DPF3: variants seen among roughly 807,000 people sequenced by gnomAD.
DPF3 encodes double PHD fingers 3.
Under a neutral mutation model 56.8 loss-of-function variants are expected in DPF3, and 18 were observed. That is an observed-to-expected ratio of 0.32 (90% CI 0.22 to 0.47). The LOEUF is 0.47. DPF3 is among the 20% of genes least tolerant of loss of function. The pLI, the probability that DPF3 is intolerant of heterozygous loss-of-function variation, is 1.00. For missense variants in DPF3, 403 were observed against 488.8 expected (o/e 0.82, Z 1.65); for synonymous variants, 188 against 180.2 (o/e 1.04, Z -0.35).
intron 1 of DPF3, among the ~76,000 whole-genome samples, chr14:72,799,218 G>A (rs1484533524): frequency 6.6e-6 from 1 of 152,106 alleles, no homozygotes; most frequent in African/African-American, 2.4e-5. Flanking sequence ...GTGGACATAG[G>A]TTGTCTGCCT....
intron 1 of DPF3, among the ~76,000 whole-genome samples, chr14:72,780,316 A>G (rs1416688935): frequency 6.6e-6 from 1 of 152,126 alleles, no homozygotes; most frequent in Non-Finnish European, 1.5e-5. Context: ...GAGCTACCTT[A>G]TCTGTCTTAC....
intron 1 of DPF3, among the ~76,000 whole-genome samples, chr14:72,805,689 T>C (rs1359174948): frequency 1.3e-5 from 2 of 151,986 alleles, no homozygotes; most frequent in African/African-American, 4.8e-5. Flanking sequence ...CTACTAAAAA[T>C]ACAAAAATTA....
intron 7 of DPF3, among the ~76,000 whole-genome samples, chr14:72,679,622 T>A (rs1014602069): frequency 6.6e-6 from 1 of 152,222 alleles, no homozygotes; most frequent in African/African-American, 2.4e-5. Flanking sequence ...CTCCACAGGC[T>A]GACAGTTCCC....
intron 3 of DPF3, among the ~76,000 whole-genome samples, chr14:72,742,040 C>T (rs780574688): frequency 1.2e-4 from 18 of 152,220 alleles, no homozygotes; most frequent in Non-Finnish European, 2.4e-4. Flanking sequence ...TCCCCCAGTC[C>T]CTGCTCCTTT....
At chr14:72,690,742 G>A (rs750019575) in intron 7 of DPF3, among the ~76,000 whole-genome samples, 4 of 152,144 alleles carry the variant, frequency 2.6e-5, no homozygotes, top group Non-Finnish European at 5.9e-5. Flanking sequence ...CCCAGGGCAT[G>A]AATAAAGGAA....
intron 8 of DPF3, among the ~76,000 whole-genome samples, chr14:72,655,232 T>C (rs10145678): frequency 0.064 from 9,792 of 152,276 alleles, 521 homozygotes; most frequent in African/African-American, 0.15. Context: ...TTAGAAAGAA[T>C]GCCGATCACT....
chr14:72,750,815 A>AAC (rs1174159644), intron 3 of DPF3, among the ~76,000 whole-genome samples: 1 of 150,014 alleles, frequency 6.7e-6, no homozygotes, highest in African/African-American at 2.4e-5. Context: ...AAAAAAAAAA[A>AAC]AACCTGCTAC....
chr14:72,893,999 C>T (rs370550264), intron 1 of DPF3, 58 bp downstream of exon 1: 20 of 1,599,916 alleles, frequency 1.3e-5, no homozygotes, highest in African/African-American at 4.1e-5. Context: ...ACGCAGAAGG[C>T]GCCTTTTTTT....
chr14:72,845,115 C>A (rs1003225380), intron 1 of DPF3, among the ~76,000 whole-genome samples: 4 of 152,138 alleles, frequency 2.6e-5, no homozygotes, highest in African/African-American at 9.7e-5. Context: ...TAAAAAGAAG[C>A]CTCCAGGAAT....
intron 1 of DPF3, among the ~76,000 whole-genome samples, chr14:72,784,578 ATCT>A (rs1349142394): frequency 1.3e-5 from 2 of 152,160 alleles, no homozygotes; most frequent in East Asian, 3.9e-4. Context: ...CCCCTCTACC[ATCT>A]TCTTTCCCAA....
chr14:72,622,741 A>T (rs1884535156), intron 9 of DPF3, among the ~76,000 whole-genome samples: 1 of 151,976 alleles, frequency 6.6e-6, no homozygotes, highest in African/African-American at 2.4e-5. Context: ...ACTATCCAGG[A>T]ACCAGGAATC....
intron 1 of DPF3, among the ~76,000 whole-genome samples, chr14:72,848,727 T>C (rs997275151): frequency 3.9e-5 from 6 of 152,336 alleles, no homozygotes; most frequent in African/African-American, 1.4e-4. Flanking sequence ...CTACAATGTT[T>C]CCTGCTTTCC....
chr14:72,629,623 C>T lies in DPF3; in HGVS notation c.984+1G>A, dbSNP rs1391921882. 1 of 1,535,514 alleles carries T rather than the reference C, an allele frequency of 6.5e-7. No individual in the cohort carries two copies. The highest frequency in any genetic ancestry group is 8.7e-7 in the Non-Finnish European group (1 of 1,146,348). On this transcript the variant is annotated splice_donor_variant, in intron 9 of 10. Coordinates refer to ENST00000556509, the MANE Select transcript of DPF3 (RefSeq NM_001280542.3). LOFTEE classifies it high-confidence loss of function. ...TCCCACAGGGAAAGCCCCAAACTCA[C>T]ATCATTCTCTGAGGTCCCACAGAGG...
chr14:72,662,230 C>T, intron 8 of DPF3: 1 of 985,328 alleles, frequency 1.0e-6, no homozygotes, highest in Non-Finnish European at 1.2e-6. Context: ...ACATGAATGG[C>T]TTTTTAAAAA....
At chr14:72,807,637 G>A (rs536654876) in intron 1 of DPF3, among the ~76,000 whole-genome samples, 1 of 152,312 alleles carries the variant, frequency 6.6e-6, no homozygotes, top group Non-Finnish European at 1.5e-5. Context: ...GATCTCTTGA[G>A]GCCAGTTTTT....
At chr14:72,843,654 G>A (rs909667261) in intron 1 of DPF3, among the ~76,000 whole-genome samples, 5 of 152,096 alleles carry the variant, frequency 3.3e-5, no homozygotes, top group Non-Finnish European at 5.9e-5. Context: ...GTGATTCTCC[G>A]GCCTCAGCCT....
intron 8 of DPF3, among the ~76,000 whole-genome samples, chr14:72,655,937 G>A (rs547720640): frequency 6.6e-6 from 1 of 152,168 alleles, no homozygotes; most frequent in South Asian, 2.1e-4. Context: ...TTGGCTATCA[G>A]TGAGTTCCGC....
intron 1 of DPF3, among the ~76,000 whole-genome samples, chr14:72,868,555 A>G (rs1330635081): frequency 1.3e-5 from 2 of 152,184 alleles, no homozygotes; most frequent in Non-Finnish European, 2.9e-5. Flanking sequence ...CTACCTTTCC[A>G]TCAGTCACAC....
chr14:72,803,155 C>T (rs1354888702), intron 1 of DPF3, among the ~76,000 whole-genome samples: 1 of 152,236 alleles, frequency 6.6e-6, no homozygotes, highest in Non-Finnish European at 1.5e-5. Flanking sequence ...AAAAGTCCTC[C>T]TCTCTTCCTA....
Sources: gnomAD v4.1 joint callset for allele counts (sites outside exome capture counted in the v4.1 genomes callset) on GRCh38, gnomAD v4.1.1 for gene constraint, MANE v1.5 for transcripts, NCBI Gene and HGNC (gene_info 2026-07-23, HGNC 2026-07-21) for gene names.